Variants in FES observed in about 807,000 individuals in gnomAD.
FES encodes FES proto-oncogene, tyrosine kinase.
In FES, 83 loss-of-function variants were observed where a neutral mutation model predicts 109.6. That is an observed-to-expected ratio of 0.76 (90% CI 0.63 to 0.91). The LOEUF (loss-of-function observed/expected upper bound fraction) is 0.91, where lower values mean the gene tolerates loss of function less well. FES is among the 40% of genes least tolerant of loss of function. The probability of loss-of-function intolerance (pLI) is 0.00; values close to 1 mark genes in which losing one functional copy is unlikely to be tolerated. For missense variants in FES, 943 were observed against 1,070.9 expected (o/e 0.88, Z 1.67); for synonymous variants, 458 against 442.1 (o/e 1.04, Z -0.45).
rs1347884132 is a variant in FES, at chr15:90,895,566, A to G, written c.*8A>G. ...CGAAAGCGGCATCGGTGAGGCTGGGACCCCCTTCTCAAGCTGGTGGCCTCT... is the reference window on the plus strand; with the variant it reads ...CGAAAGCGGCATCGGTGAGGCTGGGGCCCCCTTCTCAAGCTGGTGGCCTCT... On this transcript the variant is annotated 3_prime_UTR_variant, in exon 19 of 19. Coordinates refer to ENST00000328850, the MANE Select transcript of FES (RefSeq NM_002005.4). The G allele has an allele frequency of 1.3e-6, 2 of 1,550,828 alleles. No individual in the cohort carries two copies. Among genetic ancestry groups the G allele is most frequent in the African/African-American group, 1.4e-5 (1 of 72,580 alleles).
At position 90,889,868 on chromosome 15, in the gene FES, G is replaced by C; in HGVS notation, c.955G>C (p.Val319Leu). 1.9e-6 allele frequency: 3 copies of C among 1,613,638 alleles called. No individual in the cohort carries two copies. The highest frequency in any genetic ancestry group is 2.5e-6 in the Non-Finnish European group (3 of 1,179,940). Residue 319 changes from valine (V) to leucine (L), a missense_variant, in exon 8 of 19, where the codon GTG becomes CTG. Physicochemically the swap from Val to Leu is conservative, Grantham distance 32 (BLOSUM62 1). Transcript: ENST00000328850. The surrounding 1 kb of genome is among the most constrained non-coding windows in gnomAD (Gnocchi z 6.1). ...TLTSVTDELAVATEMVFRRQE... is the reference protein window; with the variant it reads ...TLTSVTDELALATEMVFRRQE... ...GACCTCAGTGACAGATGAGCTGGCTGTGGCCACCGAGATGGTGTTCAGGCG... is the reference window on the plus strand; with the variant it reads ...GACCTCAGTGACAGATGAGCTGGCTCTGGCCACCGAGATGGTGTTCAGGCG...
rs756218589 is a variant in FES, at chr15:90,893,193, G to A, written c.1920G>A (p.Gln640=). ...QPIYIVMELV[Q]GGDFLTFLRT... ...TCTACATCGTCATGGAGCTTGTGCA[G>A]GGTGAGCGCGGGGCGCTGAGCTCCA... The change falls in exon 15 of 19, where the codon CAG becomes CAA. Residue 640 remains glutamine (Q), a splice_region_variant and synonymous_variant. Transcript: ENST00000328850. 6.2e-7 allele frequency: 1 copy of A among 1,613,814 alleles called. No homozygotes were observed. Among genetic ancestry groups the A allele is most frequent in the Non-Finnish European group, 8.5e-7 (1 of 1,179,934 alleles).
chr15:90,889,440 A>G lies in FES; in HGVS notation c.803A>G (p.Tyr268Cys), dbSNP rs992488382. 6.2e-7 allele frequency: 1 copy of G among 1,614,034 alleles called. No individual in the cohort carries two copies. Among genetic ancestry groups the G allele is most frequent in the Non-Finnish European group, 8.5e-7 (1 of 1,180,004 alleles). ...GAGTACCAAGGCTTCCTGCGACAGT[A>G]TGGGTAAGCCCCGTCCTTGCTCCTG... is the stretch of plus-strand genomic sequence containing the variant. ...EAEYQGFLRQYGSAPDVPPCV... is the reference protein window; with the variant it reads ...EAEYQGFLRQCGSAPDVPPCV... The change falls in exon 6 of 19, where the codon TAT (tyrosine) becomes TGT (cysteine). Residue 268 changes from tyrosine to cysteine, a missense_variant. Physicochemically the swap from Tyr to Cys is radical, Grantham distance 194. Transcript: ENST00000328850. This position sits in a 1 kb window ranked among gnomAD's most constrained non-coding sequence, Gnocchi z 6.1.
chr15:90,894,170 A>C, intron 18 of FES, 112 bp downstream of exon 18: 3 of 1,300,308 alleles, frequency 2.3e-6, no homozygotes, highest in Non-Finnish European at 3.2e-6. Flanking sequence ...AATAAGAATA[A>C]CCTGGCCAGT....
chr15:90,885,749 C>A (rs989406842), intron 3 of FES, among the ~76,000 whole-genome samples, 164 bp downstream of exon 3: 1 of 152,236 alleles, frequency 6.6e-6, no homozygotes, highest in South Asian at 2.1e-4. Flanking sequence ...CCTTCCCCTA[C>A]GTTGAGCTGG....
At chr15:90,891,403 T>C in intron 11 of FES, 151 bp from the exon 12 acceptor site, 1 of 1,140,686 alleles carries the variant, frequency 8.8e-7, no homozygotes, top group East Asian at 2.4e-5. Context: ...CAGCAGGATG[T>C]CATGTGCCAT....
chr15:90,885,205 C>T lies in FES; in HGVS notation c.160C>T (p.Gln54Ter). ...AGGACTGCTTCACCACATGTCCCTG[C>T]AGGACAGTGGGGGCCAGAGCCGGGC... ...YAGLLHHMSL[Q>*]DSGGQSRAIS... The change falls in exon 2 of 19, where the codon CAG becomes TAG. Residue 54 changes from glutamine to a stop codon, truncating the protein, a stop_gained. Transcript: ENST00000328850. LOFTEE classifies it high-confidence loss of function. 1.2e-6 allele frequency: 2 copies of T among 1,613,694 alleles called. No homozygotes were observed. Among genetic ancestry groups the T allele is most frequent in the Non-Finnish European group, 1.7e-6 (2 of 1,180,022 alleles).
At chr15:90,888,317 G>C (rs879580583) in intron 5 of FES, among the ~76,000 whole-genome samples, 1 of 152,160 alleles carries the variant, frequency 6.6e-6, no homozygotes, top group Non-Finnish European at 1.5e-5. Flanking sequence ...TGTTGCCCAG[G>C]CTAGTCTCTA....
Position 90,891,672 on chromosome 15 carries a change from C to G in FES, c.1649C>G (p.Pro550Arg). ...GGTGTTGTCCTGCACAGGGCTGTGC[C>G]CAAGGTGAGCCTGCACCCAGCCTGG... ...KSGVVLHRAV[P>R]KDKWVLNHED... Residue 550 changes from proline to arginine, a missense_variant, in exon 12 of 19, where the codon CCC (proline) becomes CGC (arginine). Transcript: ENST00000328850. 6.2e-7 allele frequency: 1 copy of G among 1,613,664 alleles called. No homozygotes were observed. The highest frequency in any genetic ancestry group is 1.1e-5 in the South Asian group (1 of 91,084).
rs747285655 is a variant in FES, at chr15:90,893,961, G to A, written c.2229G>A (p.Val743=). 76 of 1,613,722 alleles carry A rather than the reference G, an allele frequency of 4.7e-5. 1 individual carries two copies. In the South Asian group the frequency reaches 6.1e-4, roughly 13 times the overall value. ...NYGRYSSESD[V]WSFGILLWET... ...GCCGCTACTCCTCCGAAAGCGACGTGTGGAGCTTTGGCATCTTGCTCTGGG... is the reference window on the plus strand; with the variant it reads ...GCCGCTACTCCTCCGAAAGCGACGTATGGAGCTTTGGCATCTTGCTCTGGG... The change falls in exon 18 of 19, where the codon GTG becomes GTA. Residue 743 remains valine, a synonymous_variant. Transcript: ENST00000328850.
chr15:90,886,474 C>CA (rs1403074359), intron 3 of FES, among the ~76,000 whole-genome samples: 2 of 152,314 alleles, frequency 1.3e-5, no homozygotes, highest in Non-Finnish European at 2.9e-5. Context: ...CAACATATCC[C>CA]AGCACATAAA....
chr15:90,885,309 T>G, intron 2 of FES, 51 bp downstream of exon 2: 1 of 1,602,380 alleles, frequency 6.2e-7, no homozygotes, highest in Non-Finnish European at 8.5e-7. Flanking sequence ...GCCTTCTCCT[T>G]CCTCTCCTGG....
intron 12 of FES, 89 bp downstream of exon 12, chr15:90,891,765 C>G (rs2033239612): frequency 5.8e-6 from 9 of 1,557,774 alleles, no homozygotes; most frequent in Non-Finnish European, 7.9e-6. Flanking sequence ...GCAGAAAGGG[C>G]TTTCCAGGCC....
chr15:90,890,569 G>T (rs2033119072), intron 10 of FES, 85 bp downstream of exon 10: 2 of 1,279,256 alleles, frequency 1.6e-6, no homozygotes, highest in East Asian at 4.9e-5. Flanking sequence ...CTCTGCCCAG[G>T]CTGCTTGTAT....
Position 90,891,211 on chromosome 15 carries a change from G to C in FES, c.1530+20G>C, listed in dbSNP as rs113748785. On this transcript the variant is annotated intron_variant, in intron 11 of 18. Transcript: ENST00000328850. ...TTGGATGTGAGTGGGGCTGGGACCC[G>C]AGCCTTCCAGGCCTCACTCTTCCCC... 1.4e-5 allele frequency: 22 copies of C among 1,547,650 alleles called. No individual in the cohort carries two copies. In the Admixed American group the frequency reaches 4.3e-4, roughly 30 times the overall value.
In FES at chr15:90,885,513, C is replaced by T. The variant is rs1474377166; in HGVS notation, c.315C>T (p.Leu105=). The change falls in exon 3 of 19, where the codon CTC becomes CTT. Residue 105 remains leucine, a synonymous_variant. Transcript: ENST00000328850. The part of the protein sequence containing the change: ...NSGPLSKLSL[L]IRERQQLRKT... ...GGCCCCTGAGCAAGCTGAGCCTGCT[C>T]ATCCGGGAACGGCAGCAGCTTCGCA... The T allele has an allele frequency of 2.5e-6, 4 of 1,613,282 alleles. No individual in the cohort carries two copies. Among genetic ancestry groups the T allele is most frequent in the African/African-American group, 1.3e-5 (1 of 74,934 alleles).
At chr15:90,894,925 G>A (rs182855645) in intron 18 of FES, among the ~76,000 whole-genome samples, 9 of 152,234 alleles carry the variant, frequency 5.9e-5, no homozygotes, top group Admixed American at 5.2e-4. Flanking sequence ...AAATTAGCGA[G>A]GTGTAGTGGT....
At chr15:90,895,260 C>T (rs1324397376) in intron 18 of FES, among the ~76,000 whole-genome samples, 156 bp from the exon 19 acceptor site, 1 of 152,150 alleles carries the variant, frequency 6.6e-6, no homozygotes, top group Admixed American at 6.5e-5. Flanking sequence ...GATCAGAAGC[C>T]AGGCCTCTTT....
rs1388358963 is a variant in FES at position 90,889,400 on chromosome 15, A to C, written c.763A>C (p.Ile255Leu). 2 of 1,614,082 alleles carry C rather than the reference A, an allele frequency of 1.2e-6. No individual in the cohort carries two copies. The highest frequency in any genetic ancestry group is 1.7e-6 in the Non-Finnish European group (2 of 1,180,022). The change falls in exon 6 of 19, where the codon ATC becomes CTC. Residue 255 changes from isoleucine to leucine, a missense_variant. Physicochemically the swap from Ile to Leu is conservative, Grantham distance 5. Transcript: ENST00000328850. The surrounding 1 kb of genome is among the most constrained non-coding windows in gnomAD (Gnocchi z 6.1). ...GGAGATGGCTGCAGCTGCTGCCCGCATCCAGCCTGAGGCTGAGTACCAAGG... is the reference window on the plus strand; with the variant it reads ...GGAGATGGCTGCAGCTGCTGCCCGCCTCCAGCCTGAGGCTGAGTACCAAGG... Reference protein sequence around the residue: ...HREMAAAAARIQPEAEYQGFL... With the variant: ...HREMAAAAARLQPEAEYQGFL...
Sources: gnomAD v4.1 joint callset for allele counts (sites outside exome capture counted in the v4.1 genomes callset) on GRCh38, gnomAD v4.1.1 for gene constraint, Gnocchi (gnomAD v3.1) non-coding constraint, MANE v1.5 for transcripts, NCBI Gene and HGNC (gene_info 2026-07-23, HGNC 2026-07-21) for gene names.